The following DPYD variants were observed in gnomAD, a reference collection of about 807,000 sequenced individuals.
The protein encoded by DPYD is dihydropyrimidine dehydrogenase.
DPYD carries 109 observed loss-of-function variants against 116.2 expected under a neutral mutation model. The observed-to-expected ratio is 0.94, with a 90% CI of 0.80 to 1.10. The LOEUF is 1.10. Ranked by LOEUF, DPYD falls within the 50% of genes least tolerant of loss-of-function variation. The probability of loss-of-function intolerance (pLI) is 0.00; values close to 1 mark genes in which losing one functional copy is unlikely to be tolerated. For synonymous variants in DPYD, 440 were observed against 432.0 expected (o/e 1.02, Z -0.23); for missense variants, 1,302 against 1,254.5 (o/e 1.04, Z -0.57).
intron 16 of DPYD, among the ~76,000 whole-genome samples, chr1:97,323,456 C>CATATATGTGTATATATACACGT (rs1668477853): frequency 9.8e-6 from 1 of 102,442 alleles, no homozygotes; most frequent in Non-Finnish European, 2.2e-5. Flanking sequence ...ATATACATAT[C>CATATATGTGTATATATACACGT]ATATATACAT....
At chr1:97,712,801 T>G (rs921455852) in intron 5 of DPYD, among the ~76,000 whole-genome samples, 3 of 152,132 alleles carry the variant, frequency 2.0e-5, no homozygotes, top group Non-Finnish European at 4.4e-5. Flanking sequence ...CAATACCTGC[T>G]GTACAGCTTT....
At chr1:97,611,122 T>C (rs1490626212) in intron 8 of DPYD, among the ~76,000 whole-genome samples, 6 of 152,044 alleles carry the variant, frequency 3.9e-5, no homozygotes, top group Non-Finnish European at 5.9e-5. Context: ...ATTGGACTTA[T>C]AGTACCATGT....
chr1:97,662,249 G>T (rs1205334066), intron 8 of DPYD, among the ~76,000 whole-genome samples: 9 of 150,992 alleles, frequency 6.0e-5, no homozygotes, highest in Admixed American at 5.9e-4. Flanking sequence ...TGATCCACCC[G>T]CCTCGGCCTC....
chr1:97,688,716 TAAC>T (rs1177780630), intron 7 of DPYD, among the ~76,000 whole-genome samples: 2 of 152,044 alleles, frequency 1.3e-5, no homozygotes, highest in Non-Finnish European at 2.9e-5. Flanking sequence ...CTTGTAATGG[TAAC>T]AACATTATTT....
At chr1:97,204,134 C>T (rs555791591) in intron 19 of DPYD, among the ~76,000 whole-genome samples, 8 of 152,110 alleles carry the variant, frequency 5.3e-5, no homozygotes, top group South Asian at 2.1e-4. Flanking sequence ...ATGGTAAACA[C>T]GGTGCATATT....
At chr1:97,566,446 C>T (rs761440938) in intron 11 of DPYD, among the ~76,000 whole-genome samples, 2 of 151,900 alleles carry the variant, frequency 1.3e-5, no homozygotes, top group African/African-American at 4.8e-5. Context: ...TGTATTATAC[C>T]GGACTGATTA....
chr1:97,201,297 G>A (rs897829837), intron 19 of DPYD, among the ~76,000 whole-genome samples: 2 of 152,034 alleles, frequency 1.3e-5, no homozygotes, highest in Non-Finnish European at 2.9e-5. Flanking sequence ...ATGTTATGCA[G>A]TTTCTAATTC....
intron 1 of DPYD, among the ~76,000 whole-genome samples, chr1:97,903,058 G>A (rs1468828311): frequency 6.6e-6 from 1 of 151,808 alleles, no homozygotes; most frequent in Non-Finnish European, 1.5e-5. Context: ...TTGACTTAAT[G>A]GGAGACTTCT....
chr1:97,298,336 G>A (rs1262895573), intron 18 of DPYD, among the ~76,000 whole-genome samples: 2 of 152,016 alleles, frequency 1.3e-5, no homozygotes, highest in Non-Finnish European at 2.9e-5. Flanking sequence ...CCAGCAATCT[G>A]TGTCACAACA....
chr1:97,838,353 GT>G (rs1669871377), intron 2 of DPYD, among the ~76,000 whole-genome samples: 1 of 152,202 alleles, frequency 6.6e-6, no homozygotes, highest in African/African-American at 2.4e-5. Context: ...GTGGCTCAGA[GT>G]TGTGGGTATT....
chr1:97,374,622 G>C (rs1671496628), intron 15 of DPYD, among the ~76,000 whole-genome samples: 1 of 148,754 alleles, frequency 6.7e-6, no homozygotes, highest in South Asian at 2.1e-4. Context: ...AGGAGGCTGA[G>C]GCAGGAGAAT....
intron 3 of DPYD, chr1:97,798,026 T>C (rs1667664342): frequency 6.6e-6 from 1 of 152,058 alleles, no homozygotes; most frequent in Admixed American, 6.6e-5. Flanking sequence ...TTCAGAAGAG[T>C]TAAGTCACAG....
intron 1 of DPYD, among the ~76,000 whole-genome samples, chr1:97,889,275 C>T (rs918001434): frequency 1.3e-5 from 2 of 151,838 alleles, no homozygotes; most frequent in Non-Finnish European, 2.9e-5. Flanking sequence ...AAACAAAGGT[C>T]AACAGTAAAG....
At chr1:97,127,605 C>T (rs1019760805) in intron 20 of DPYD, among the ~76,000 whole-genome samples, 8 of 152,078 alleles carry the variant, frequency 5.3e-5, no homozygotes, top group African/African-American at 1.9e-4. Context: ...ACTCATTTTC[C>T]CCCATCCTCA....
chr1:97,559,486 G>C (rs1651984320), intron 11 of DPYD, among the ~76,000 whole-genome samples: 1 of 152,038 alleles, frequency 6.6e-6, no homozygotes, highest in African/African-American at 2.4e-5. Flanking sequence ...GTTCAATTTG[G>C]GCTTATTTAA....
chr1:97,856,446 A>T (rs1197254713), intron 2 of DPYD: 1 of 152,206 alleles, frequency 6.6e-6, no homozygotes, highest in East Asian at 1.9e-4. Flanking sequence ...TCAAAGCCAG[A>T]TTATTTTCAA....
chr1:97,920,871 GCGAAGTCCGTACCT>G lies in DPYD; in HGVS notation c.38_39+12del. ...ACCCCGCCACCACCGACGAGCCGGC[GCGAAGTCCGTACCT>G]CGATGTCCGCCGAGTCCTTACTGAG... On this transcript the variant is annotated splice_donor_variant and splice_donor_5th_base_variant and coding_sequence_variant and intron_variant, in exon 1 of 23. Transcript: ENST00000370192. LOFTEE classifies it high-confidence loss of function. 1 of 1,590,264 alleles carries G rather than the reference GCGAAGTCCGTACCT, an allele frequency of 6.3e-7. No homozygotes were observed. Among genetic ancestry groups the G allele is most frequent in the Non-Finnish European group, 8.6e-7 (1 of 1,168,898 alleles).
chr1:97,570,910 G>C (rs1652846073), intron 11 of DPYD, among the ~76,000 whole-genome samples: 1 of 151,880 alleles, frequency 6.6e-6, no homozygotes, highest in Admixed American at 6.6e-5. Flanking sequence ...GTAAATGTTT[G>C]TCACATGCCT....
intron 5 of DPYD, among the ~76,000 whole-genome samples, chr1:97,701,352 T>C (rs1661588960): frequency 6.6e-6 from 1 of 151,426 alleles, no homozygotes; most frequent in South Asian, 2.1e-4. Context: ...AAAGCAAAAT[T>C]GATAGAACTA....
Sources: allele counts gnomAD v4.1 joint callset (sites outside exome capture counted in the v4.1 genomes callset), GRCh38; gene constraint gnomAD v4.1.1; transcripts MANE v1.5; gene names NCBI Gene and HGNC (gene_info 2026-07-23, HGNC 2026-07-21).